Variants in RPS6KA2 observed in about 807,000 individuals in gnomAD.
The protein encoded by RPS6KA2 is ribosomal protein S6 kinase alpha-2.
Under a neutral mutation model 91.8 loss-of-function variants are expected in RPS6KA2, and 42 were observed. The ratio of observed to expected loss-of-function variants is 0.46; its 90% CI spans 0.36 to 0.59. RPS6KA2 has a LOEUF of 0.59. Ranked by LOEUF, RPS6KA2 falls within the 20% of genes least tolerant of loss-of-function variation. The pLI, the probability that RPS6KA2 is intolerant of heterozygous loss-of-function variation, is 0.00. For synonymous variants in RPS6KA2, 414 were observed against 393.6 expected (o/e 1.05, Z -0.61); for missense variants, 798 against 978.5 (o/e 0.82, Z 2.46).
intron 2 of RPS6KA2, among the ~76,000 whole-genome samples, chr6:166,638,258 C>T (rs1298892306): frequency 2.0e-5 from 3 of 152,252 alleles, no homozygotes; most frequent in African/African-American, 7.2e-5. Flanking sequence ...CACAAGACCG[C>T]TGAAGTCAGG....
At chr6:166,477,398 C>G (rs1374273151) in intron 10 of RPS6KA2, among the ~76,000 whole-genome samples, 1 of 152,180 alleles carries the variant, frequency 6.6e-6, no homozygotes, top group East Asian at 1.9e-4. Flanking sequence ...ATCTTTCTCT[C>G]ATCCATAATT....
intron 2 of RPS6KA2, among the ~76,000 whole-genome samples, chr6:166,705,579 G>A (rs1291820309): frequency 6.6e-6 from 1 of 152,060 alleles, no homozygotes; most frequent in South Asian, 2.1e-4. Flanking sequence ...TGGTACTAAA[G>A]GTCCTTACAG....
intron 2 of RPS6KA2, among the ~76,000 whole-genome samples, chr6:166,779,258 T>C (rs953212569): frequency 6.6e-6 from 1 of 152,132 alleles, no homozygotes; most frequent in Non-Finnish European, 1.5e-5. Context: ...TCCCAAAATA[T>C]CCTAAGGAGT....
At chr6:166,460,363 G>A (rs1780234212) in intron 11 of RPS6KA2, among the ~76,000 whole-genome samples, 4 of 152,216 alleles carry the variant, frequency 2.6e-5, no homozygotes, top group Admixed American at 2.6e-4. Context: ...ATTCTGTTGG[G>A]AATTCAATGT....
chr6:166,427,039 G>T (rs1199295176), intron 16 of RPS6KA2, among the ~76,000 whole-genome samples: 3 of 152,050 alleles, frequency 2.0e-5, no homozygotes, highest in Non-Finnish European at 4.4e-5. Context: ...GAACATTGAT[G>T]CAAAAATCCT....
chr6:166,672,716 G>A (rs1312804275), intron 2 of RPS6KA2, among the ~76,000 whole-genome samples: 1 of 152,188 alleles, frequency 6.6e-6, no homozygotes, highest in Non-Finnish European at 1.5e-5. Flanking sequence ...GAGGGGGGCC[G>A]GCTCACCGGA....
chr6:166,604,820 G>T (rs865959709), intron 1 of RPS6KA2, among the ~76,000 whole-genome samples: 1 of 152,170 alleles, frequency 6.6e-6, no homozygotes, highest in East Asian at 1.9e-4. Flanking sequence ...GGCTCTGTGC[G>T]CCAGTGCCAC....
intron 17 of RPS6KA2, among the ~76,000 whole-genome samples, chr6:166,422,719 A>G (rs914001878): frequency 6.6e-6 from 1 of 152,202 alleles, no homozygotes; most frequent in African/African-American, 2.4e-5. Flanking sequence ...GGGAGCAGAC[A>G]CAGACACTGA....
At chr6:166,682,186 C>G (rs1290001381) in intron 2 of RPS6KA2, among the ~76,000 whole-genome samples, 1 of 152,150 alleles carries the variant, frequency 6.6e-6, no homozygotes, top group Non-Finnish European at 1.5e-5. Context: ...TAAAATGTAC[C>G]AGCTTTCTCC....
chr6:166,842,154 C>T (rs992595221), intron 2 of RPS6KA2, among the ~76,000 whole-genome samples: 1 of 152,196 alleles, frequency 6.6e-6, no homozygotes, highest in African/African-American at 2.4e-5. Context: ...AGACCCTGAC[C>T]CACAACGCCA....
At chr6:166,676,133 A>G (rs1260951614) in intron 2 of RPS6KA2, among the ~76,000 whole-genome samples, 2 of 152,138 alleles carry the variant, frequency 1.3e-5, no homozygotes, top group Non-Finnish European at 2.9e-5. Flanking sequence ...CCTGGCCAAC[A>G]TGATGAAACC....
chr6:166,610,229 A>G (rs1239664480), intron 1 of RPS6KA2, among the ~76,000 whole-genome samples: 1 of 152,248 alleles, frequency 6.6e-6, no homozygotes, highest in Non-Finnish European at 1.5e-5. Flanking sequence ...AGCAAGTCGT[A>G]AATGATTCTT....
chr6:166,555,209 C>G (rs948460450), intron 1 of RPS6KA2, among the ~76,000 whole-genome samples: 2 of 152,162 alleles, frequency 1.3e-5, no homozygotes, highest in African/African-American at 2.4e-5. Context: ...AAGAATTGCA[C>G]GCTGGCTTCT....
chr6:166,859,339 C>G (rs1480624168), intron 1 of RPS6KA2, among the ~76,000 whole-genome samples: 1 of 152,228 alleles, frequency 6.6e-6, no homozygotes, highest in Non-Finnish European at 1.5e-5. Flanking sequence ...ACTTGCCTTA[C>G]TCATCATTTC....
Position 166,490,782 on chromosome 6 carries a change from A to G in RPS6KA2, c.748-41T>C, listed in dbSNP as rs1781562082. 1 of 1,517,284 alleles carries G rather than the reference A, an allele frequency of 6.6e-7. No individual in the cohort carries two copies. The highest frequency in any genetic ancestry group is 1.1e-5 in the South Asian group (1 of 87,666). The allele number at this position is 1,517,284 out of a possible 1,614,324, so 94.0% of individuals were successfully genotyped here. A position where few individuals can be genotyped will look rare whatever the true frequency, so the allele number is the denominator to read the frequency against. On this transcript the variant is annotated intron_variant, in intron 8 of 20. Coordinates refer to ENST00000265678, the MANE Select transcript of RPS6KA2 (RefSeq NM_021135.6). This position sits in a 1 kb window ranked among gnomAD's most constrained non-coding sequence, Gnocchi z 4.2. Reference sequence around the variant, plus strand: ...GAGCACAGTGAGTTCATTCATCCAGATGGACCCGGCTTCACGGCAGAGTAC... The same window carrying G: ...GAGCACAGTGAGTTCATTCATCCAGGTGGACCCGGCTTCACGGCAGAGTAC...
intron 1 of RPS6KA2, among the ~76,000 whole-genome samples, chr6:166,575,240 T>G (rs1039209107): frequency 6.6e-6 from 1 of 152,268 alleles, no homozygotes; most frequent in East Asian, 1.9e-4. Context: ...TTCATGTGAT[T>G]TTTTTGTCTT....
At chr6:166,566,766 C>G (rs947373125) in intron 1 of RPS6KA2, among the ~76,000 whole-genome samples, 37 of 152,216 alleles carry the variant, frequency 2.4e-4, no homozygotes, top group African/African-American at 8.4e-4. Context: ...GGGATGAGCT[C>G]TGAGCCAGTC....
At chr6:166,537,111 T>C (rs1395800139) in intron 2 of RPS6KA2, among the ~76,000 whole-genome samples, 1 of 152,252 alleles carries the variant, frequency 6.6e-6, no homozygotes, top group Non-Finnish European at 1.5e-5. Flanking sequence ...CTCCAGACAC[T>C]TCCTGGGCCT....
chr6:166,430,496 A>C lies in RPS6KA2; in HGVS notation c.1538T>G (p.Leu513Arg). 6.2e-7 allele frequency: 1 copy of C among 1,614,144 alleles called. No individual in the cohort carries two copies. The highest frequency in any genetic ancestry group is 8.5e-7 in the Non-Finnish European group (1 of 1,180,006). ...GTCCATGGTCTTGGTGATGGTGCAC[A>C]GGACGTCACTGGCTTCGCGCTCCGA... ...YFSEREASDV[L>R]CTITKTMDYL... Residue 513 changes from leucine to arginine, a missense_variant, in exon 16 of 21, where the codon CTG (leucine) becomes CGG (arginine). Coordinates refer to ENST00000265678, the MANE Select transcript of RPS6KA2 (RefSeq NM_021135.6).
Sources: gnomAD v4.1 joint callset for allele counts (sites outside exome capture counted in the v4.1 genomes callset) on GRCh38, gnomAD v4.1.1 for gene constraint, Gnocchi (gnomAD v3.1) non-coding constraint, MANE v1.5 for transcripts, NCBI Gene and HGNC (gene_info 2026-07-23, HGNC 2026-07-21) for gene names.